EIPR1: variants seen among roughly 807,000 people sequenced by gnomAD.
The protein encoded by EIPR1 is EARP and GARP complex-interacting protein 1.
EIPR1 carries 25 observed loss-of-function variants against 48.1 expected under a neutral mutation model. The observed-to-expected ratio is 0.52, with a 90% confidence interval of 0.38 to 0.73. The LOEUF (loss-of-function observed/expected upper bound fraction) is 0.73. Ranked by LOEUF, EIPR1 falls within the 30% of genes least tolerant of loss-of-function variation. The probability of loss-of-function intolerance (pLI) is 0.00; values close to 1 mark genes in which losing one functional copy is unlikely to be tolerated. For missense variants in EIPR1, 415 were observed against 506.2 expected (o/e 0.82, Z 1.73); for synonymous variants, 204 against 201.9 (o/e 1.01, Z -0.09).
At chr2:3,230,094 T>C (rs903698286) in intron 4 of EIPR1, among the ~76,000 whole-genome samples, 5 of 152,264 alleles carry the variant, frequency 3.3e-5, no homozygotes, top group African/African-American at 1.2e-4. Flanking sequence ...CAATGGTTTA[T>C]AGTTCTCAGT....
intron 5 of EIPR1, among the ~76,000 whole-genome samples, chr2:3,211,898 T>G (rs1443321840): frequency 6.6e-6 from 1 of 152,234 alleles, no homozygotes; most frequent in Non-Finnish European, 1.5e-5. Flanking sequence ...TCTACCCTCA[T>G]CGGGGTCTGT....
At chr2:3,354,902 T>C (rs913917595) in intron 1 of EIPR1, among the ~76,000 whole-genome samples, 2 of 152,268 alleles carry the variant, frequency 1.3e-5, no homozygotes, top group Non-Finnish European at 2.9e-5. Context: ...TACACATCAA[T>C]GTTTAAATTA....
At chr2:3,299,284 GC>G (rs1413918648) in intron 3 of EIPR1, among the ~76,000 whole-genome samples, 2 of 151,966 alleles carry the variant, frequency 1.3e-5, no homozygotes, top group Non-Finnish European at 2.9e-5. Context: ...CATTGTCCTG[GC>G]CCCCCGTCCT....
intron 1 of EIPR1, among the ~76,000 whole-genome samples, chr2:3,369,188 T>C (rs1214133490): frequency 6.6e-6 from 1 of 152,226 alleles, no homozygotes; most frequent in East Asian, 1.9e-4. Flanking sequence ...AATAATATAT[T>C]TGACTACCTT....
chr2:3,372,933 A>G (rs1282106671), intron 1 of EIPR1, among the ~76,000 whole-genome samples: 1 of 151,766 alleles, frequency 6.6e-6, no homozygotes, highest in African/African-American at 2.4e-5. Flanking sequence ...ACCAAAAAAG[A>G]GAATTTTAGA....
chr2:3,352,069 G>A (rs1344334079), intron 2 of EIPR1, among the ~76,000 whole-genome samples: 2 of 116,996 alleles, frequency 1.7e-5, no homozygotes, highest in African/African-American at 6.4e-5. Flanking sequence ...CTACAGAAGC[G>A]ACCTGCCCCT....
intron 1 of EIPR1, among the ~76,000 whole-genome samples, chr2:3,358,160 G>A (rs773595761): frequency 4.6e-5 from 7 of 152,004 alleles, no homozygotes; most frequent in South Asian, 2.1e-4. Flanking sequence ...CAACTCTTAC[G>A]TGTTCTTTCT....
intron 1 of EIPR1, among the ~76,000 whole-genome samples, chr2:3,372,479 C>G (rs959154271): frequency 6.6e-6 from 1 of 151,608 alleles, no homozygotes; most frequent in African/African-American, 2.4e-5. Context: ...ATTGATAGAC[C>G]GCTAGCAAGA....
chr2:3,307,023 C>T (rs939513173), intron 3 of EIPR1, among the ~76,000 whole-genome samples: 2 of 151,536 alleles, frequency 1.3e-5, no homozygotes, highest in Non-Finnish European at 2.9e-5. Context: ...GCTGGAGTGG[C>T]GTGATCCGGG....
chr2:3,376,757 T>A (rs1388675079), intron 1 of EIPR1, among the ~76,000 whole-genome samples: 1 of 151,844 alleles, frequency 6.6e-6, no homozygotes, highest in African/African-American at 2.4e-5. Flanking sequence ...AAATTATGTA[T>A]CAAGTATTTC....
intron 3 of EIPR1, among the ~76,000 whole-genome samples, chr2:3,289,710 C>T (rs370802336): frequency 6.6e-6 from 1 of 152,242 alleles, no homozygotes. Flanking sequence ...CAGGCTCCCA[C>T]AGCCACCAGC....
At chr2:3,338,247 C>G in intron 2 of EIPR1, 98 bp from the exon 3 acceptor site, 1 of 1,389,014 alleles carries the variant, frequency 7.2e-7, no homozygotes, top group Non-Finnish European at 9.8e-7. Context: ...ATGCACATTT[C>G]GTGACAGATA....
chr2:3,207,395 T>G (rs1225964105), intron 5 of EIPR1, among the ~76,000 whole-genome samples: 3 of 152,232 alleles, frequency 2.0e-5, no homozygotes, highest in Non-Finnish European at 4.4e-5. Context: ...CAGGTCGTCC[T>G]GTACTCTGTG....
chr2:3,205,727 C>T (rs575286540), intron 5 of EIPR1, among the ~76,000 whole-genome samples: 29 of 152,256 alleles, frequency 1.9e-4, no homozygotes, highest in African/African-American at 6.5e-4. Context: ...GTGAATGCCC[C>T]GAGCTTGAAC....
Position 3,338,159 on chromosome 2 carries a change from C to T in EIPR1, c.127-10G>A. 6.2e-7 allele frequency: 1 copy of T among 1,608,156 alleles called. No homozygotes were observed. The highest frequency in any genetic ancestry group is 1.1e-5 in the South Asian group (1 of 89,338). On this transcript the variant is annotated splice_polypyrimidine_tract_variant and intron_variant, in intron 2 of 8. Coordinates refer to ENST00000382125, the MANE Select transcript of EIPR1 (RefSeq NM_003310.5). ...AATCTATGATATGGATCTACAAATA[C>T]AAGAAAAGAGCACATCAGGATCTCA...
chr2:3,316,859 A>T (rs1669318476), intron 3 of EIPR1, among the ~76,000 whole-genome samples: 1 of 152,224 alleles, frequency 6.6e-6, no homozygotes, highest in South Asian at 2.1e-4. Context: ...ACACAGTCCC[A>T]ACAGTGAGAG....
At chr2:3,274,495 C>A (rs1667790457) in intron 3 of EIPR1, 25 of 1,496,316 alleles carry the variant, frequency 1.7e-5, no homozygotes, top group Non-Finnish European at 2.1e-5. Flanking sequence ...GTAAATCAAG[C>A]CATGAGACCC....
intron 2 of EIPR1, among the ~76,000 whole-genome samples, chr2:3,344,229 TC>T (rs1670336307): frequency 6.6e-6 from 1 of 152,130 alleles, no homozygotes; most frequent in South Asian, 2.1e-4. Context: ...GGAGACACCG[TC>T]CCTGCCACGT....
rs747064442 is a variant in EIPR1 at position 3,338,084 on chromosome 2, C to T, written c.192G>A (p.Ala64=). Residue 64 remains alanine (A), a synonymous_variant, in exon 3 of 9, where the codon GCG becomes GCA. Transcript: ENST00000382125. The stretch of plus-strand genomic sequence containing the variant: ...TAGCGCTAATATGCCAGATTTCACC[C>T]GCTTGATGGAGGAGGACATTTTTAT... The part of the protein sequence containing the change: ...IINKNVLLHQ[A]GEIWHISASP... 4.3e-6 allele frequency: 7 copies of T among 1,613,080 alleles called. No individual in the cohort carries two copies. Among genetic ancestry groups the T allele is most frequent in the Admixed American group, 3.4e-5 (2 of 59,634 alleles).
Sources: gnomAD v4.1 joint callset for allele counts (sites outside exome capture counted in the v4.1 genomes callset) on GRCh38, gnomAD v4.1.1 for gene constraint, MANE v1.5 for transcripts, NCBI Gene and HGNC (gene_info 2026-07-23, HGNC 2026-07-21) for gene names.